STXBP5L: variants seen among roughly 807,000 people sequenced by gnomAD.
STXBP5L encodes the protein syntaxin-binding protein 5-like.
Under a neutral mutation model 144.5 loss-of-function variants are expected in STXBP5L, and 65 were observed. That is an observed-to-expected ratio of 0.45 (90% CI 0.37 to 0.55). The LOEUF (loss-of-function observed/expected upper bound fraction) is 0.55. Among genes scored for constraint, STXBP5L ranks in the 20% least tolerant of loss-of-function variants. STXBP5L has a pLI of 0.00. For missense variants in STXBP5L, 1,298 were observed against 1,405.5 expected (o/e 0.92, Z 1.22); for synonymous variants, 505 against 469.6 (o/e 1.08, Z -0.97).
At chr3:120,997,009 A>C (rs1479046207) in intron 3 of STXBP5L, among the ~76,000 whole-genome samples, 2 of 152,136 alleles carry the variant, frequency 1.3e-5, no homozygotes, top group African/African-American at 4.8e-5. Context: ...ATGTGTACTC[A>C]ATGTTCAGCT....
intron 20 of STXBP5L, among the ~76,000 whole-genome samples, chr3:121,351,725 T>G (rs1289336802): frequency 6.6e-6 from 1 of 152,186 alleles, no homozygotes; most frequent in Non-Finnish European, 1.5e-5. Flanking sequence ...TGGCTTTTGT[T>G]GCCATTGCTT....
At chr3:121,233,578 C>A in intron 11 of STXBP5L, 38 bp from the exon 12 acceptor site, 1 of 1,519,280 alleles carries the variant, frequency 6.6e-7, no homozygotes, top group African/African-American at 1.4e-5. Flanking sequence ...ATAGTATATA[C>A]AATATGAAAA....
intron 2 of STXBP5L, among the ~76,000 whole-genome samples, chr3:120,923,165 T>C (rs1212195909): frequency 2.6e-5 from 4 of 152,058 alleles, no homozygotes; most frequent in African/African-American, 9.6e-5. Context: ...TAATAATTCC[T>C]CGCATTTCTG....
rs1340832280 is a variant in STXBP5L at position 121,209,598 on chromosome 3, A to G, written c.956+3597A>G. Among the ~76,000 whole-genome samples the G allele has an allele frequency of 6.6e-5, 10 of 151,590 alleles. No individual in the cohort carries two copies. In the East Asian group the frequency reaches 1.2e-3, roughly 18 times the overall value. ...CCATCCCCTCTCCCCCCACCCCATG[A>G]CAGGCCCCAGTGTGTGATGTTCCCC... On this transcript the variant is annotated intron_variant, in intron 10 of 26. Coordinates refer to ENST00000471454, the MANE Select transcript of STXBP5L (RefSeq NM_001308330.2).
intron 9 of STXBP5L, among the ~76,000 whole-genome samples, chr3:121,161,584 A>G (rs1307500977): frequency 6.6e-6 from 1 of 151,912 alleles, no homozygotes; most frequent in East Asian, 1.9e-4. Context: ...AATTTGCTGG[A>G]TCATCAGCTG....
chr3:120,964,618 G>T (rs1212533965), intron 3 of STXBP5L, among the ~76,000 whole-genome samples: 1 of 152,176 alleles, frequency 6.6e-6, no homozygotes, highest in Non-Finnish European at 1.5e-5. Flanking sequence ...TAATTTGATT[G>T]CACTGTGGTC....
intron 3 of STXBP5L, among the ~76,000 whole-genome samples, chr3:121,039,855 T>A (rs929636638): frequency 5.3e-5 from 8 of 151,952 alleles, no homozygotes. Flanking sequence ...TTTTTCTCTG[T>A]GTTATATTTT....
rs1025268278 is a variant in STXBP5L, at chr3:121,366,548, T to C, written c.2177-12168T>C. 1.5e-4 allele frequency among the ~76,000 whole-genome samples: 23 copies of C among 152,172 alleles called. No homozygotes were observed. In the East Asian group the frequency reaches 4.2e-3, roughly 28 times the overall value. On this transcript the variant is annotated intron_variant, in intron 20 of 26. Transcript: ENST00000471454. ...ATTTAAAGACCATTTTGTCTGATAT[T>C]GATATGGCTACCCCACTCTGTTTTG...
chr3:121,329,552 A>G (rs2044255660), intron 20 of STXBP5L, among the ~76,000 whole-genome samples: 1 of 152,248 alleles, frequency 6.6e-6, no homozygotes, highest in Non-Finnish European at 1.5e-5. Flanking sequence ...AAATACTCAA[A>G]CAGTTAGAAT....
intron 3 of STXBP5L, among the ~76,000 whole-genome samples, chr3:120,957,796 AG>A (rs775493230): frequency 6.6e-6 from 1 of 152,148 alleles, no homozygotes; most frequent in Non-Finnish European, 1.5e-5. Context: ...AATGCCCACA[AG>A]AGAAAGCAGG....
At chr3:121,384,015 A>C (rs879831129) in intron 22 of STXBP5L, among the ~76,000 whole-genome samples, 2 of 152,138 alleles carry the variant, frequency 1.3e-5, no homozygotes, top group Non-Finnish European at 2.9e-5. Context: ...GAACGTTGTT[A>C]AATAAACTTT....
Position 121,158,400 on chromosome 3 carries a change from A to G in STXBP5L, c.877+773A>G, listed in dbSNP as rs529754988. ...CGTTCGTTATCATGTCACATTTGGA[A>G]AGTAGTGGTATGTTTTCTGTAATGG... On this transcript the variant is annotated intron_variant, in intron 9 of 26. Transcript: ENST00000471454. 3 of 152,294 alleles carry G rather than the reference A, an allele frequency of 2.0e-5. No individual in the cohort carries two copies. In the South Asian group the frequency reaches 6.2e-4, roughly 32 times the overall value. 9.4% of individuals were successfully genotyped at this position (152,294 alleles called of 1,614,324 possible).
chr3:121,207,405 G>C (rs1476537142), intron 10 of STXBP5L, among the ~76,000 whole-genome samples: 2 of 152,118 alleles, frequency 1.3e-5, no homozygotes, highest in South Asian at 4.1e-4. Flanking sequence ...GCGATACCAT[G>C]TAGGACATAG....
At chr3:121,350,463 C>T (rs2045229878) in intron 20 of STXBP5L, among the ~76,000 whole-genome samples, 7 of 152,046 alleles carry the variant, frequency 4.6e-5, no homozygotes. Context: ...CGAGGAGTAT[C>T]TTTGTGGTGT....
At chr3:121,024,197 G>A (rs1311857814) in intron 3 of STXBP5L, among the ~76,000 whole-genome samples, 1 of 152,142 alleles carries the variant, frequency 6.6e-6, no homozygotes, top group Non-Finnish European at 1.5e-5. Flanking sequence ...CTGTCCACAA[G>A]CTTAAAGAAC....
At chr3:121,147,684 G>A (rs76338161) in intron 7 of STXBP5L, among the ~76,000 whole-genome samples, 3 of 152,072 alleles carry the variant, frequency 2.0e-5, no homozygotes, top group African/African-American at 7.2e-5. Context: ...TCATTCTAAA[G>A]GTTTAGGTGA....
At chr3:121,245,236 A>C (rs2049806902) in intron 14 of STXBP5L, among the ~76,000 whole-genome samples, 2 of 151,998 alleles carry the variant, frequency 1.3e-5, no homozygotes, top group South Asian at 4.1e-4. Flanking sequence ...TATAGTTTAA[A>C]ATAGATTGGT....
At chr3:121,042,137 C>T (rs76435792) in intron 4 of STXBP5L, among the ~76,000 whole-genome samples, 2 of 151,958 alleles carry the variant, frequency 1.3e-5, no homozygotes, top group African/African-American at 2.4e-5. Context: ...GGCCTAACTT[C>T]ATATTTTATC....
chr3:121,305,215 C>CAT (rs2043297653), intron 19 of STXBP5L, among the ~76,000 whole-genome samples: 3 of 152,146 alleles, frequency 2.0e-5, no homozygotes, highest in Non-Finnish European at 4.4e-5. Flanking sequence ...GGTGGCTGCA[C>CAT]TTGTTAATGC....
Sources: allele counts gnomAD v4.1 joint callset (sites outside exome capture counted in the v4.1 genomes callset), GRCh38; gene constraint gnomAD v4.1.1; transcripts MANE v1.5; gene names NCBI Gene and HGNC (gene_info 2026-07-23, HGNC 2026-07-21).